CTNND2: variants seen among roughly 807,000 people sequenced by gnomAD.
CTNND2 encodes catenin delta 2.
A neutral mutation model predicts 144.4 loss-of-function variants in CTNND2; 22 were observed. The observed-to-expected ratio is 0.15, with a 90% CI of 0.11 to 0.22. The LOEUF (loss-of-function observed/expected upper bound fraction) is 0.22. Ranked by LOEUF, CTNND2 falls within the 10% of genes least tolerant of loss-of-function variation. The pLI is 1.00. For synonymous variants in CTNND2, 751 were observed against 695.6 expected (o/e 1.08, Z -1.25); for missense variants, 1,353 against 1,618.8 (o/e 0.84, Z 2.82).
At chr5:11,321,894 C>T (rs1487151253) in intron 9 of CTNND2, among the ~76,000 whole-genome samples, 1 of 152,058 alleles carries the variant, frequency 6.6e-6, no homozygotes, top group Admixed American at 6.5e-5. Flanking sequence ...ACCCTATCTC[C>T]CCACTCCTTA....
intron 12 of CTNND2, among the ~76,000 whole-genome samples, chr5:11,144,492 A>C (rs934992301): frequency 2.6e-5 from 4 of 152,056 alleles, no homozygotes; most frequent in Admixed American, 6.5e-5. Flanking sequence ...TCCTCTGAGG[A>C]TCTGTCACAT....
chr5:11,030,400 A>C (rs1189127706), intron 16 of CTNND2, among the ~76,000 whole-genome samples: 1 of 152,120 alleles, frequency 6.6e-6, no homozygotes, highest in Non-Finnish European at 1.5e-5. Flanking sequence ...TGATGTCCAC[A>C]GAACCCTTAA....
chr5:11,831,345 T>A (rs956758125), intron 1 of CTNND2, among the ~76,000 whole-genome samples: 2 of 151,914 alleles, frequency 1.3e-5, no homozygotes, highest in Non-Finnish European at 2.9e-5. Context: ...AGTATCTTTT[T>A]GACATAAAAA....
chr5:11,008,603 TC>T (rs1478109295), intron 18 of CTNND2, among the ~76,000 whole-genome samples: 1 of 152,156 alleles, frequency 6.6e-6, no homozygotes, highest in African/African-American at 2.4e-5. Context: ...CTGGCTAAGG[TC>T]CCAAGCAAGG....
At chr5:11,329,854 G>A (rs1457593713) in intron 9 of CTNND2, among the ~76,000 whole-genome samples, 1 of 152,188 alleles carries the variant, frequency 6.6e-6, no homozygotes, top group Non-Finnish European at 1.5e-5. Context: ...ACCGTGATCT[G>A]TTTTTCAATG....
chr5:11,660,565 T>A (rs544516692), intron 2 of CTNND2, among the ~76,000 whole-genome samples: 1 of 152,104 alleles, frequency 6.6e-6, no homozygotes, highest in African/African-American at 2.4e-5. Context: ...GGATTTCATA[T>A]ACAGGTAGGC....
intron 10 of CTNND2, among the ~76,000 whole-genome samples, chr5:11,208,711 G>A (rs1193893047): frequency 6.6e-6 from 1 of 152,046 alleles, no homozygotes; most frequent in Non-Finnish European, 1.5e-5. Flanking sequence ...ATCTACAAAT[G>A]GATATTTATA....
intron 16 of CTNND2, among the ~76,000 whole-genome samples, chr5:11,064,014 C>T (rs1274152176): frequency 6.6e-6 from 1 of 152,042 alleles, no homozygotes; most frequent in Non-Finnish European, 1.5e-5. Flanking sequence ...CATCTTCTCT[C>T]AAGGAGATTA....
chr5:11,497,527 GGC>G (rs77556629), intron 3 of CTNND2, among the ~76,000 whole-genome samples: 6 of 81,838 alleles, frequency 7.3e-5, no homozygotes, highest in African/African-American at 1.1e-4. Flanking sequence ...GGTGGGGGGG[GGC>G]AATATGTGCA....
At chr5:11,639,470 T>C (rs1008476996) in intron 2 of CTNND2, among the ~76,000 whole-genome samples, 2 of 152,188 alleles carry the variant, frequency 1.3e-5, no homozygotes, top group Admixed American at 1.3e-4. Flanking sequence ...TTACATATTC[T>C]AAAAGAGCAT....
chr5:11,268,611 A>G (rs1375916211), intron 9 of CTNND2, among the ~76,000 whole-genome samples: 1 of 152,158 alleles, frequency 6.6e-6, no homozygotes, highest in Non-Finnish European at 1.5e-5. Flanking sequence ...TACACACAAA[A>G]GAAAAAATAA....
intron 12 of CTNND2, among the ~76,000 whole-genome samples, chr5:11,154,910 C>G (rs962578712): frequency 2.0e-5 from 3 of 152,204 alleles, no homozygotes; most frequent in Admixed American, 1.3e-4. Flanking sequence ...CCCTGTGTGT[C>G]TCTCTGTGCA....
intron 18 of CTNND2, among the ~76,000 whole-genome samples, chr5:11,011,803 C>G (rs1016193151): frequency 1.3e-5 from 2 of 152,168 alleles, no homozygotes; most frequent in African/African-American, 4.8e-5. Context: ...CTTTCAGCAC[C>G]TAGCACTCTC....
intron 16 of CTNND2, chr5:11,027,430 C>G (rs1742969004): frequency 1.3e-5 from 2 of 152,216 alleles, no homozygotes. Context: ...GAAATGAATC[C>G]TTGGGCCATT....
chr5:11,190,940 C>T (rs1006397056), intron 11 of CTNND2, among the ~76,000 whole-genome samples: 1 of 152,200 alleles, frequency 6.6e-6, no homozygotes. Context: ...AACACTGCTA[C>T]ACTTCCAAGT....
chr5:11,768,084 A>G (rs1561779316), intron 1 of CTNND2, among the ~76,000 whole-genome samples: 1 of 152,262 alleles, frequency 6.6e-6, no homozygotes, highest in East Asian at 1.9e-4. Context: ...TTCTAATTAC[A>G]GCATTCAGCA....
intron 3 of CTNND2, among the ~76,000 whole-genome samples, chr5:11,450,550 C>T (rs1765209265): frequency 6.6e-6 from 1 of 152,196 alleles, no homozygotes; most frequent in Admixed American, 6.5e-5. Context: ...TGCAGGTCCT[C>T]ATCTAGCTTT....
At chr5:11,077,017 A>C (rs1246605167) in intron 16 of CTNND2, among the ~76,000 whole-genome samples, 2 of 152,200 alleles carry the variant, frequency 1.3e-5, no homozygotes, top group African/African-American at 4.8e-5. Context: ...TTTTAATAGA[A>C]AACCCCCCTT....
Position 11,236,711 on chromosome 5 carries a change from C to T in CTNND2, c.1741G>A (p.Asp581Asn). Residue 581 changes from aspartate (D) to asparagine (N), a missense_variant, in exon 10 of 22, where the codon GAC becomes AAC. By Grantham distance (23) the Asp-to-Asn change is conservative. Around this residue, in one of 4 missense-constraint regions of CTNND2, gnomAD observed 69 missense variants for 120.3 expected, o/e 0.57. Transcript: ENST00000304623. ...AAYLQHLCFG[D>N]NKIKAEIRRQ... is the part of the protein sequence containing the mutation. ...CTGACCTCGGCTTTAATTTTGTTGT[C>T]TCCAAAACAGAGGTGTTGCAAGTAG... is the stretch of plus-strand genomic sequence containing the variant. The T allele has an allele frequency of 6.2e-7, 1 of 1,614,146 alleles. No homozygotes were observed. The highest frequency in any genetic ancestry group is 8.5e-7 in the Non-Finnish European group (1 of 1,180,016).
Sources: gnomAD v4.1 joint callset for allele counts (sites outside exome capture counted in the v4.1 genomes callset) on GRCh38, gnomAD v4.1.1 for gene constraint, gnomAD v4.1.1 regional missense constraint, MANE v1.5 for transcripts, NCBI Gene and HGNC (gene_info 2026-07-23, HGNC 2026-07-21) for gene names.